GMEB1: variants seen among roughly 807,000 people sequenced by gnomAD.
The protein encoded by GMEB1 is glucocorticoid modulatory element binding protein 1.
In GMEB1, 6 loss-of-function variants were observed where a neutral mutation model predicts 52.4. That is an observed-to-expected ratio of 0.11 (90% CI 0.06 to 0.23). The LOEUF is 0.23. GMEB1 is among the 10% of genes least tolerant of loss of function. The pLI, the probability that GMEB1 is intolerant of heterozygous loss-of-function variation, is 1.00. For synonymous variants in GMEB1, 255 were observed against 244.9 expected, an observed-to-expected ratio of 1.04 and a Z score of -0.38; for missense variants, 486 against 685.6, an observed-to-expected ratio of 0.71 and a Z score of 3.25.
intron 2 of GMEB1, among the ~76,000 whole-genome samples, chr1:28,686,138 C>T (rs551646602): frequency 6.6e-6 from 1 of 151,908 alleles, no homozygotes; most frequent in Non-Finnish European, 1.5e-5. Context: ...CCCAGGAGTT[C>T]AAAACCAGCC....
intron 8 of GMEB1, among the ~76,000 whole-genome samples, chr1:28,709,501 C>T (rs557407847): frequency 2.0e-5 from 3 of 151,868 alleles, no homozygotes; most frequent in East Asian, 1.9e-4. Context: ...CTGAGATGAA[C>T]GTTAACTCTA....
intron 6 of GMEB1, among the ~76,000 whole-genome samples, chr1:28,699,896 G>C (rs962135387): frequency 6.6e-6 from 1 of 151,054 alleles, no homozygotes; most frequent in Non-Finnish European, 1.5e-5. Context: ...GCATCTTGTC[G>C]AAAACCCATC....
chr1:28,696,878 C>G lies in GMEB1; in HGVS notation c.441-49C>G, dbSNP rs754619013. On this transcript the variant is annotated intron_variant, in intron 5 of 9. Transcript: ENST00000373816. Reference sequence around the variant, plus strand: ...ATTTTTCCCTGAGGCCTAGTTCCCACTAGATGAAGTATAGGCTGAACTGGT... The same window carrying G: ...ATTTTTCCCTGAGGCCTAGTTCCCAGTAGATGAAGTATAGGCTGAACTGGT... 3.8e-5 allele frequency: 56 copies of G among 1,459,426 alleles called. 1 individual carries two copies. The highest frequency in any genetic ancestry group is 5.6e-5 in the African/African-American group (4 of 71,528). The allele number at this position is 1,459,426 out of a possible 1,614,324, so 90.4% of individuals were successfully genotyped here. A position where few individuals can be genotyped will look rare whatever the true frequency, so the allele number is the denominator to read the frequency against.
At chr1:28,699,720 A>C (rs1670402051) in intron 6 of GMEB1, among the ~76,000 whole-genome samples, 1 of 150,120 alleles carries the variant, frequency 6.7e-6, no homozygotes, top group Non-Finnish European at 1.5e-5. Context: ...GTGAGCCACC[A>C]TGCCTGGCCC....
intron 9 of GMEB1, among the ~76,000 whole-genome samples, chr1:28,712,768 C>T (rs1671117430): frequency 6.6e-6 from 1 of 151,318 alleles, no homozygotes; most frequent in Admixed American, 6.6e-5. Context: ...ACCTGGGAGG[C>T]GGAGGTTGCA....
intron 1 of GMEB1, among the ~76,000 whole-genome samples, chr1:28,682,988 ATG>A (rs1669465804): frequency 6.6e-6 from 1 of 152,066 alleles, no homozygotes; most frequent in Non-Finnish European, 1.5e-5. Context: ...TGGAAGAGAT[ATG>A]TGTGCACAAT....
At chr1:28,708,607 A>G (rs566614454) in intron 8 of GMEB1, among the ~76,000 whole-genome samples, 3 of 151,894 alleles carry the variant, frequency 2.0e-5, no homozygotes, top group African/African-American at 4.8e-5. Flanking sequence ...GACTATAGGC[A>G]TGCACCACCA....
intron 2 of GMEB1, among the ~76,000 whole-genome samples, chr1:28,686,321 A>G (rs982512038): frequency 6.6e-6 from 1 of 152,022 alleles, no homozygotes; most frequent in African/African-American, 2.4e-5. Context: ...AACCTGAGCA[A>G]CAGAGTAAGA....
chr1:28,684,287 G>C (rs1570393700), intron 2 of GMEB1, among the ~76,000 whole-genome samples: 1 of 152,048 alleles, frequency 6.6e-6, no homozygotes, highest in Non-Finnish European at 1.5e-5. Flanking sequence ...GGCCTGGCCG[G>C]GTGCAGTGGC....
intron 1 of GMEB1, among the ~76,000 whole-genome samples, chr1:28,670,519 G>A (rs1014334045): frequency 6.6e-6 from 1 of 152,130 alleles, no homozygotes; most frequent in African/African-American, 2.4e-5. Flanking sequence ...ATAGAGACGG[G>A]GTTTCACCAT....
At chr1:28,687,371 C>CAAAAAAAA (rs1557504166) in intron 2 of GMEB1, among the ~76,000 whole-genome samples, 7 of 33,532 alleles carry the variant, frequency 2.1e-4, no homozygotes, top group African/African-American at 1.1e-3. Context: ...CACACACACA[C>CAAAAAAAA]ACACACACAC....
chr1:28,684,480 G>A (rs187244650), intron 2 of GMEB1, among the ~76,000 whole-genome samples: 6 of 150,702 alleles, frequency 4.0e-5, no homozygotes, highest in South Asian at 2.1e-4. Context: ...GGAGAACGGC[G>A]TGAACCCGGG....
chr1:28,690,577 GT>G (rs1669915393), intron 3 of GMEB1, among the ~76,000 whole-genome samples: 1 of 152,130 alleles, frequency 6.6e-6, no homozygotes, highest in South Asian at 2.1e-4. Context: ...ACAAACCTTA[GT>G]TTAAATCCCA....
intron 8 of GMEB1, among the ~76,000 whole-genome samples, chr1:28,707,314 A>G (rs563853547): frequency 6.6e-6 from 1 of 152,132 alleles, no homozygotes; most frequent in Non-Finnish European, 1.5e-5. Flanking sequence ...TAAATCTCTT[A>G]AAAATTTGTA....
At position 28,714,973 on chromosome 1, in the gene GMEB1, T is replaced by C. The variant is rs879032511; in HGVS notation, c.*200T>C. On this transcript the variant is annotated 3_prime_UTR_variant, in exon 10 of 10. Coordinates refer to ENST00000373816, the MANE Select transcript of GMEB1 (RefSeq NM_001319674.2). ...ACAAAACAAGCTGCCCTTCCAGAAG[T>C]TGAGAGTAGGTCATTCAATGTCCTA... 1.8e-6 allele frequency: 1 copy of C among 567,122 alleles called. No homozygotes were observed. The highest frequency in any genetic ancestry group is 3.1e-6 in the Non-Finnish European group (1 of 319,412). The allele number at this position is 567,122 out of a possible 1,614,324, so 35.1% of individuals were successfully genotyped here.
intron 1 of GMEB1, among the ~76,000 whole-genome samples, chr1:28,672,538 C>T (rs1035582313): frequency 5.3e-5 from 8 of 151,344 alleles, no homozygotes; most frequent in African/African-American, 1.9e-4. Context: ...TTTTAAGTCC[C>T]CAGAAAGTGC....
At chr1:28,703,640 A>C (rs1670615705) in intron 7 of GMEB1, among the ~76,000 whole-genome samples, 1 of 152,204 alleles carries the variant, frequency 6.6e-6, no homozygotes, top group African/African-American at 2.4e-5. Flanking sequence ...AGCCTGGGCA[A>C]CAAGAACGAA....
At chr1:28,712,852 A>G (rs1192933100) in intron 9 of GMEB1, among the ~76,000 whole-genome samples, 9 of 143,966 alleles carry the variant, frequency 6.3e-5, no homozygotes, top group Non-Finnish European at 3.0e-5. Flanking sequence ...AAAGAGATAT[A>G]AAGACATTTA....
chr1:28,703,778 A>G (rs922839840), intron 7 of GMEB1, among the ~76,000 whole-genome samples: 2 of 152,260 alleles, frequency 1.3e-5, no homozygotes, highest in Non-Finnish European at 1.5e-5. Context: ...ATAGGACTAG[A>G]GAGAGTATAT....
Sources: allele counts gnomAD v4.1 joint callset (sites outside exome capture counted in the v4.1 genomes callset), GRCh38; gene constraint gnomAD v4.1.1; transcripts MANE v1.5; gene names NCBI Gene and HGNC (gene_info 2026-07-23, HGNC 2026-07-21).